The following RGL3 variants were observed in gnomAD, a reference collection of about 807,000 sequenced individuals.
RGL3 encodes the protein ral guanine nucleotide dissociation stimulator-like 3.
Under a neutral mutation model 90.6 loss-of-function variants are expected in RGL3, and 85 were observed. The observed-to-expected ratio is 0.94, with a 90% CI of 0.79 to 1.12. The LOEUF (loss-of-function observed/expected upper bound fraction) is 1.12, where lower values mean the gene tolerates loss of function less well. Among genes scored for constraint, RGL3 ranks in the 50% most tolerant of loss-of-function variants. The probability of loss-of-function intolerance (pLI) is 0.00; values close to 1 mark genes in which losing one functional copy is unlikely to be tolerated. For synonymous variants in RGL3, 408 were observed against 385.5 expected (o/e 1.06, Z -0.68); for missense variants, 1,034 against 939.2 (o/e 1.10, Z -1.32).
intron 9 of RGL3, among the ~76,000 whole-genome samples, chr19:11,403,586 G>C (rs1968719135): frequency 7.0e-6 from 1 of 142,108 alleles, no homozygotes; most frequent in African/African-American, 2.7e-5. Flanking sequence ...GTTGGAGTGA[G>C]CCAAGATCGC....
At chr19:11,413,231 G>GAA (rs765531257) in intron 5 of RGL3, among the ~76,000 whole-genome samples, 50 of 89,198 alleles carry the variant, frequency 5.6e-4, no homozygotes, top group African/African-American at 2.1e-3. Context: ...TTTTGAAAAA[G>GAA]AAAAAAAAAA....
chr19:11,412,097 T>G (rs1968884472), intron 5 of RGL3, among the ~76,000 whole-genome samples: 1 of 151,740 alleles, frequency 6.6e-6, no homozygotes, highest in Non-Finnish European at 1.5e-5. Flanking sequence ...CTGACAAACA[T>G]GGAGAAACCC....
chr19:11,400,856 AAAATAAATAAATAAATAAATAAATAAAT>A (rs36155093), intron 13 of RGL3, among the ~76,000 whole-genome samples: 2 of 145,500 alleles, frequency 1.4e-5, no homozygotes, highest in African/African-American at 5.1e-5. Flanking sequence ...CTCTGTCTCA[AAAATAAATAAATAAATAAATAAATAAAT>A]AAATAAATAA....
chr19:11,418,959 C>T, intron 1 of RGL3, 175 bp from the exon 2 acceptor site: 1 of 626,680 alleles, frequency 1.6e-6, no homozygotes. Flanking sequence ...GCTGCGGGTC[C>T]CCTCCTCCCA....
intron 13 of RGL3, among the ~76,000 whole-genome samples, chr19:11,401,369 A>G (rs1352134615): frequency 6.6e-6 from 1 of 150,610 alleles, no homozygotes; most frequent in African/African-American, 2.4e-5. Flanking sequence ...GTTGGGACCA[A>G]CGGCACTCAA....
At chr19:11,403,180 C>T (rs1345470543) in intron 9 of RGL3, among the ~76,000 whole-genome samples, 4 of 151,532 alleles carry the variant, frequency 2.6e-5, no homozygotes, top group East Asian at 2.1e-4. Flanking sequence ...GGACTACAGG[C>T]GCCCCCCACC....
intron 3 of RGL3, 69 bp from the exon 4 acceptor site, chr19:11,416,736 T>A (rs546571416): frequency 1.2e-5 from 19 of 1,595,054 alleles, no homozygotes; most frequent in Admixed American, 1.0e-4. Context: ...GGGCTCTGGG[T>A]CTGGGAGGTG....
intron 16 of RGL3, among the ~76,000 whole-genome samples, chr19:11,398,808 C>T (rs551285698): frequency 2.2e-4 from 33 of 152,184 alleles, no homozygotes; most frequent in Middle Eastern, 3.4e-3. Flanking sequence ...GTAGCTGGGA[C>T]TACAGGTGTG....
chr19:11,418,117 C>A (rs537492553), intron 2 of RGL3, among the ~76,000 whole-genome samples: 18 of 152,016 alleles, frequency 1.2e-4, no homozygotes, highest in Admixed American at 3.3e-4. Context: ...ACTCCCTGCC[C>A]GCTTGAAGTT....
At chr19:11,418,495 C>T (rs1177688112) in intron 2 of RGL3, 176 bp downstream of exon 2, 18 of 584,654 alleles carry the variant, frequency 3.1e-5, no homozygotes, top group Middle Eastern at 9.0e-4. Flanking sequence ...CCCTGGATCT[C>T]CCCCCACTTA....
intron 13 of RGL3, among the ~76,000 whole-genome samples, chr19:11,401,200 A>T (rs1968669002): frequency 6.6e-6 from 1 of 150,562 alleles, no homozygotes; most frequent in Admixed American, 6.6e-5. Flanking sequence ...TGGGGTTGAA[A>T]TTGAGGTCAG....
rs536176340 is a variant in RGL3, at chr19:11,397,919, G to T, written c.1747-322C>A. 1.6e-4 allele frequency: 30 copies of T among 187,572 alleles called. No homozygotes were observed. In the South Asian group the frequency reaches 3.8e-3, roughly 24 times the overall value. 11.6% of individuals were successfully genotyped at this position (187,572 alleles called of 1,614,324 possible). On this transcript the variant is annotated intron_variant, in intron 16 of 18. Transcript: ENST00000380456. ...AGCTACTTGGGAGGCCGAGGCAGGA[G>T]AATCACTTGAACTTGAGAGGCAGAG...
chr19:11,406,397 C>T (rs1968778824), intron 7 of RGL3, 22 bp downstream of exon 7: 1 of 1,523,670 alleles, frequency 6.6e-7, no homozygotes, highest in South Asian at 1.2e-5. Flanking sequence ...CCCCGCATCC[C>T]CTCTCCGCGC....
intron 8 of RGL3, 35 bp from the exon 9 acceptor site, chr19:11,405,266 T>A (rs1968751979): frequency 5.0e-6 from 8 of 1,612,612 alleles, no homozygotes; most frequent in South Asian, 3.3e-5. Flanking sequence ...CAGGGGTCAG[T>A]GGCTTGGGAG....
intron 18 of RGL3, among the ~76,000 whole-genome samples, chr19:11,395,583 C>G (rs925199071): frequency 6.6e-6 from 1 of 152,096 alleles, no homozygotes; most frequent in Non-Finnish European, 1.5e-5. Context: ...AACTTAAGAT[C>G]AGACAAACTT....
At chr19:11,403,438 A>G (rs1568337422) in intron 9 of RGL3, among the ~76,000 whole-genome samples, 1 of 150,086 alleles carries the variant, frequency 6.7e-6, no homozygotes, top group Non-Finnish European at 1.5e-5. Context: ...AAGGAGTTTG[A>G]GACCAGCCTG....
intron 16 of RGL3, 113 bp downstream of exon 16, chr19:11,399,742 T>C (rs946757641): frequency 5.1e-6 from 3 of 593,108 alleles, no homozygotes; most frequent in Non-Finnish European, 8.3e-6. Context: ...GCCTCCTGTA[T>C]ACACTCCTGG....
chr19:11,397,395 G>C, intron 17 of RGL3, 37 bp from the exon 18 acceptor site: 1 of 1,586,888 alleles, frequency 6.3e-7, no homozygotes, highest in Non-Finnish European at 8.6e-7. Flanking sequence ...TGAGGGCCCC[G>C]GCCCCAAGGG....
intron 5 of RGL3, among the ~76,000 whole-genome samples, chr19:11,415,568 C>T (rs959553895): frequency 2.0e-5 from 3 of 152,080 alleles, no homozygotes; most frequent in South Asian, 4.1e-4. Context: ...CTCCGCCTCC[C>T]GGGTTCAAAC....
Sources: gnomAD v4.1 joint callset for allele counts (sites outside exome capture counted in the v4.1 genomes callset) on GRCh38, gnomAD v4.1.1 for gene constraint, MANE v1.5 for transcripts, NCBI Gene and HGNC (gene_info 2026-07-23, HGNC 2026-07-21) for gene names.